Variants in DBF4B observed in about 807,000 individuals in gnomAD.
DBF4B encodes DBF4B-CDC7 kinase regulatory subunit, also known as protein DBF4 homolog B.
A neutral mutation model predicts 53.4 loss-of-function variants in DBF4B; 49 were observed. The observed-to-expected ratio is 0.92, with a 90% confidence interval of 0.73 to 1.16. DBF4B has a LOEUF of 1.16. Ranked by LOEUF, DBF4B falls within the 50% of genes most tolerant of loss-of-function variation. The pLI, the probability that DBF4B is intolerant of heterozygous loss-of-function variation, is 0.00. For missense variants in DBF4B, 692 were observed against 775.0 expected, an observed-to-expected ratio of 0.89 and a Z score of 1.27; for synonymous variants, 257 against 288.7, an observed-to-expected ratio of 0.89 and a Z score of 1.11.
intron 3 of DBF4B, among the ~76,000 whole-genome samples, chr17:44,723,268 G>A (rs1235036892): frequency 6.6e-6 from 1 of 152,050 alleles, no homozygotes; most frequent in African/African-American, 2.4e-5. Context: ...CACCACGTCT[G>A]GCTAATTTTT....
rs936716978 is a variant in DBF4B, at chr17:44,721,071, G to C, written c.83-1809G>C. On this transcript the variant is annotated intron_variant, in intron 2 of 13. Coordinates refer to ENST00000315005, the MANE Select transcript of DBF4B (RefSeq NM_145663.3). ...AGTGGAGACGGGGTTTCACCATGTT[G>C]GCCAGGCTGGTCTCGAAGTCCTTAT... 3.3e-5 allele frequency among the ~76,000 whole-genome samples: 5 copies of C among 151,848 alleles called. No homozygotes were observed. In the South Asian group the frequency reaches 6.2e-4, roughly 19 times the overall value.
At chr17:44,742,429 AAAT>A (rs1483596480) in intron 10 of DBF4B, among the ~76,000 whole-genome samples, 2 of 151,710 alleles carry the variant, frequency 1.3e-5, no homozygotes, top group African/African-American at 4.8e-5. Context: ...AAAAAAAAAA[AAAT>A]TAGTCAAGCG....
chr17:44,744,517 G>C (rs1452013167), intron 10 of DBF4B, among the ~76,000 whole-genome samples: 2 of 152,094 alleles, frequency 1.3e-5, no homozygotes, highest in African/African-American at 4.8e-5. Flanking sequence ...GTTATTCATG[G>C]ATGCTTAGAT....
At chr17:44,733,770 T>C (rs991674834) in intron 6 of DBF4B, 17 of 313,794 alleles carry the variant, frequency 5.4e-5, no homozygotes, top group Non-Finnish European at 8.4e-5. Context: ...CAGCATGGCC[T>C]CCCTCACAGC....
chr17:44,741,420 C>G lies in DBF4B; in HGVS notation c.798C>G (p.Ala266=). ...CCAAAGATGCAAGTCCCTTTGAGGCCCCGACGACCCTGGGCAGCATGCACC... is the reference window on the plus strand; with the variant it reads ...CCAAAGATGCAAGTCCCTTTGAGGCGCCGACGACCCTGGGCAGCATGCACC... ...LGPKDASPFE[A]PTTLGSMHHT... Residue 266 remains alanine, a synonymous_variant, in exon 10 of 14, where the codon GCC becomes GCG. Coordinates refer to ENST00000315005, the MANE Select transcript of DBF4B (RefSeq NM_145663.3). 1 of 1,613,058 alleles carries G rather than the reference C, an allele frequency of 6.2e-7. No homozygotes were observed. Among genetic ancestry groups the G allele is most frequent in the Non-Finnish European group, 8.5e-7 (1 of 1,179,420 alleles).
At chr17:44,740,095 G>A (rs1426278935) in intron 9 of DBF4B, among the ~76,000 whole-genome samples, 1 of 152,004 alleles carries the variant, frequency 6.6e-6, no homozygotes, top group African/African-American at 2.4e-5. Context: ...CTGTTTTGAA[G>A]CAGGTGCATT....
chr17:44,750,899 A>G lies in DBF4B; in HGVS notation c.1494A>G (p.Glu498=), dbSNP rs759770956. 134 of 1,614,010 alleles carry G rather than the reference A, an allele frequency of 8.3e-5. 1 individual carries two copies. The South Asian group carries it at 1.0e-3, about 12-fold the overall frequency. Residue 498 remains glutamate, a synonymous_variant, in exon 14 of 14, where the codon GAA becomes GAG. Coordinates refer to ENST00000315005, the MANE Select transcript of DBF4B (RefSeq NM_145663.3). ...TTAAGGGCCCACTCCTCTTCCCTGA[A>G]GCCAGACCGTGGCTTATGTCTGCAC... ...IPVKGPLLFP[E]ARPWLMSARC...
At chr17:44,732,458 G>T in intron 6 of DBF4B, 193 bp downstream of exon 6, 1 of 614,108 alleles carries the variant, frequency 1.6e-6, no homozygotes. Context: ...AGTGCAGGCT[G>T]TGGCCTCGGC....
rs771479011 is a variant in DBF4B at position 44,732,267 on chromosome 17, T to C, written c.556+2T>C. The C allele has an allele frequency of 1.4e-5, 23 of 1,614,042 alleles. No homozygotes were observed. In the Middle Eastern group the frequency reaches 2.5e-3, roughly 174 times the overall value. On this transcript the variant is annotated splice_donor_variant, in intron 6 of 13. Coordinates refer to ENST00000315005, the MANE Select transcript of DBF4B (RefSeq NM_145663.3). LOFTEE classifies it high-confidence loss of function. Reference sequence around the variant, plus strand: ...GAGTGAGGATTCTGCACGTGGATGGTACCCTTTCTGTGCTGGGCTCCTGTG... The same window carrying C: ...GAGTGAGGATTCTGCACGTGGATGGCACCCTTTCTGTGCTGGGCTCCTGTG...
At chr17:44,740,353 C>T (rs528964701) in intron 9 of DBF4B, among the ~76,000 whole-genome samples, 5 of 152,276 alleles carry the variant, frequency 3.3e-5, no homozygotes, top group Admixed American at 2.0e-4. Context: ...ATGGTGCACC[C>T]GGCAGTTACC....
chr17:44,712,408 G>A (rs1213945257), intron 2 of DBF4B, among the ~76,000 whole-genome samples: 1 of 142,588 alleles, frequency 7.0e-6, no homozygotes, highest in Non-Finnish European at 1.5e-5. Flanking sequence ...GGGTTCAAGC[G>A]ATTCTCCTGC....
chr17:44,751,926 G>C lies in DBF4B; in HGVS notation c.*673G>C, dbSNP rs1484786438. On this transcript the variant is annotated 3_prime_UTR_variant, in exon 14 of 14. Transcript: ENST00000315005. ...CTTCCTCACCATTGCCCATTCCCTCGTTCGTTCATTCAGCACAGGCCTTGC... is the reference window on the plus strand; with the variant it reads ...CTTCCTCACCATTGCCCATTCCCTCCTTCGTTCATTCAGCACAGGCCTTGC... 6.5e-7 allele frequency: 1 copy of C among 1,535,614 alleles called. No homozygotes were observed. Among genetic ancestry groups the C allele is most frequent in the Non-Finnish European group, 8.7e-7 (1 of 1,146,788 alleles).
At chr17:44,736,770 C>G in intron 7 of DBF4B, 60 bp from the exon 8 acceptor site, 1 of 1,597,570 alleles carries the variant, frequency 6.3e-7, no homozygotes, top group Non-Finnish European at 8.6e-7. Flanking sequence ...CTTATCAGGC[C>G]CAGTTCCTTG....
intron 3 of DBF4B, among the ~76,000 whole-genome samples, chr17:44,729,042 G>A (rs1974591355): frequency 6.6e-6 from 1 of 151,952 alleles, no homozygotes; most frequent in Non-Finnish European, 1.5e-5. Flanking sequence ...ATTAGAGTGA[G>A]CCGAGATCAT....
intron 3 of DBF4B, among the ~76,000 whole-genome samples, chr17:44,723,869 G>A (rs1040948773): frequency 6.6e-6 from 1 of 152,104 alleles, no homozygotes; most frequent in South Asian, 2.1e-4. Context: ...CCAGCACTTC[G>A]GGAGGCTGAG....
chr17:44,709,068 A>G (rs1186596731), intron 1 of DBF4B: 2 of 775,414 alleles, frequency 2.6e-6, no homozygotes, highest in African/African-American at 1.7e-5. Context: ...ATTGAGATGG[A>G]CAGGAGGTGG....
intron 5 of DBF4B, 60 bp from the exon 6 acceptor site, chr17:44,732,118 C>G (rs1974889706): frequency 1.2e-5 from 18 of 1,564,458 alleles, no homozygotes; most frequent in Admixed American, 1.8e-5. Flanking sequence ...CTATCTGTCC[C>G]CTTCACTTTC....
intron 2 of DBF4B, among the ~76,000 whole-genome samples, chr17:44,712,661 G>T (rs367977644): frequency 6.5e-4 from 99 of 151,726 alleles, no homozygotes; most frequent in African/African-American, 2.1e-3. Flanking sequence ...GGATGGTCTC[G>T]ATTGCCTGAC....
intron 10 of DBF4B, among the ~76,000 whole-genome samples, chr17:44,743,758 C>T (rs974936514): frequency 1.3e-5 from 2 of 151,922 alleles, no homozygotes; most frequent in Admixed American, 6.6e-5. Context: ...TTACAGTGCA[C>T]ACCACCTCGC....
Sources: gnomAD v4.1 joint callset for allele counts (sites outside exome capture counted in the v4.1 genomes callset) on GRCh38, gnomAD v4.1.1 for gene constraint, MANE v1.5 for transcripts, NCBI Gene and HGNC (gene_info 2026-07-23, HGNC 2026-07-21) for gene names.